The following SLC24A2 variants were observed in gnomAD, a reference collection of about 807,000 sequenced individuals.
SLC24A2 encodes sodium/potassium/calcium exchanger 2.
Under a neutral mutation model 62.0 loss-of-function variants are expected in SLC24A2, and 36 were observed. The ratio of observed to expected loss-of-function variants is 0.58; its 90% CI spans 0.44 to 0.77. The LOEUF (loss-of-function observed/expected upper bound fraction) is 0.77. Among genes scored for constraint, SLC24A2 ranks in the 30% least tolerant of loss-of-function variants. SLC24A2 has a pLI of 0.00. For synonymous variants in SLC24A2, 358 were observed against 294.0 expected (o/e 1.22, Z -2.23); for missense variants, 846 against 817.9 (o/e 1.03, Z -0.42).
the SLC24A2 span, among the ~76,000 whole-genome samples, chr9:20,260,544 T>G: frequency 6.6e-6 from 1 of 152,234 alleles, no homozygotes; most frequent in Non-Finnish European, 1.5e-5. Flanking sequence ...GAAATCCATA[T>G]GACATAGCTC....
chr9:19,603,841 T>A (rs1352973948), intron 4 of SLC24A2, among the ~76,000 whole-genome samples: 1 of 152,242 alleles, frequency 6.6e-6, no homozygotes, highest in East Asian at 1.9e-4. Context: ...CTACGTCTCC[T>A]AATTTACTGA....
chr9:19,545,802 C>T (rs1834536108), intron 8 of SLC24A2, among the ~76,000 whole-genome samples: 1 of 152,028 alleles, frequency 6.6e-6, no homozygotes, highest in South Asian at 2.1e-4. Context: ...CCACGCCTGC[C>T]TAATTTTTTG....
intron 2 of SLC24A2, among the ~76,000 whole-genome samples, chr9:19,655,706 T>C (rs1376251203): frequency 2.6e-5 from 4 of 152,218 alleles, no homozygotes; most frequent in African/African-American, 9.6e-5. Flanking sequence ...TTCAGTCATA[T>C]AAACTTCCTC....
intron 7 of SLC24A2, among the ~76,000 whole-genome samples, chr9:19,559,478 G>A (rs1179055048): frequency 1.3e-5 from 2 of 152,144 alleles, no homozygotes; most frequent in African/African-American, 2.4e-5. Flanking sequence ...CTTACTATCA[G>A]AAACAAAGCT....
intron 7 of SLC24A2, among the ~76,000 whole-genome samples, chr9:19,562,863 T>C (rs967914103): frequency 2.0e-5 from 3 of 152,204 alleles, no homozygotes; most frequent in African/African-American, 7.2e-5. Context: ...CCAGCACTTT[T>C]GGAGCTCTGG....
At chr9:19,762,043 T>C (rs1010019654) in intron 2 of SLC24A2, among the ~76,000 whole-genome samples, 7 of 152,190 alleles carry the variant, frequency 4.6e-5, no homozygotes, top group Non-Finnish European at 8.8e-5. Flanking sequence ...TCTAGATCCC[T>C]GAGGAATCGA....
chr9:20,211,282 G>C, the SLC24A2 span, among the ~76,000 whole-genome samples: 1 of 152,152 alleles, frequency 6.6e-6, no homozygotes, highest in South Asian at 2.1e-4. Context: ...AGAGGCCAAG[G>C]CAGGTGAATC....
the SLC24A2 span, among the ~76,000 whole-genome samples, chr9:20,197,295 T>C: frequency 5.3e-5 from 8 of 152,168 alleles, no homozygotes; most frequent in African/African-American, 1.9e-4. Context: ...ATTCTCACAA[T>C]AGGAAAAGAG....
chr9:20,264,946 A>ACT, the SLC24A2 span, among the ~76,000 whole-genome samples: 74 of 152,164 alleles, frequency 4.9e-4, 1 homozygote, highest in African/African-American at 1.8e-3. Context: ...ATCCTAAGCC[A>ACT]CTCCGGCAAT....
chr9:20,110,024 AT>A, the SLC24A2 span, among the ~76,000 whole-genome samples: 13 of 152,162 alleles, frequency 8.5e-5, no homozygotes, highest in Admixed American at 3.3e-4. Flanking sequence ...TACAGGGTTA[AT>A]TTTTTATCAT....
At chr9:20,078,820 C>A in the SLC24A2 span, among the ~76,000 whole-genome samples, 1 of 151,638 alleles carries the variant, frequency 6.6e-6, no homozygotes, top group East Asian at 1.9e-4. Flanking sequence ...TGGCAGCCCT[C>A]AATCAATACT....
chr9:19,904,019 G>T, the SLC24A2 span, among the ~76,000 whole-genome samples: 14 of 152,202 alleles, frequency 9.2e-5, no homozygotes, highest in African/African-American at 2.9e-4. Context: ...CACCTCAGCA[G>T]GTCTAATGGG....
the SLC24A2 span, among the ~76,000 whole-genome samples, chr9:20,186,862 T>C: frequency 6.6e-6 from 1 of 152,214 alleles, no homozygotes; most frequent in African/African-American, 2.4e-5. Flanking sequence ...TAATTTTCCT[T>C]TAGCAATTAC....
At chr9:19,650,822 AGTGTGTGTGTGT>A (rs61576823) in intron 2 of SLC24A2, among the ~76,000 whole-genome samples, 6 of 149,194 alleles carry the variant, frequency 4.0e-5, no homozygotes, top group Admixed American at 6.7e-5. Flanking sequence ...ATCAGCTTCT[AGTGTGTGTGTGT>A]GTGTGTGTGT....
chr9:20,074,555 CAGGA>C, the SLC24A2 span, among the ~76,000 whole-genome samples: 22,845 of 87,078 alleles, frequency 0.26, 3,862 homozygotes, highest in Non-Finnish European at 0.36. Flanking sequence ...GAGAAGAAGG[CAGGA>C]AGGAAGGAAG....
the SLC24A2 span, among the ~76,000 whole-genome samples, chr9:20,216,326 TC>T: frequency 6.6e-6 from 1 of 152,194 alleles, no homozygotes; most frequent in Non-Finnish European, 1.5e-5. Context: ...TGTCTCCTCT[TC>T]CAAATGACAG....
Position 19,520,889 on chromosome 9 carries a change from C to G in SLC24A2, c.1736+5G>C. 1 of 1,613,706 alleles carries G rather than the reference C, an allele frequency of 6.2e-7. No individual in the cohort carries two copies. Among genetic ancestry groups the G allele is most frequent in the Non-Finnish European group, 8.5e-7 (1 of 1,179,742 alleles). The stretch of plus-strand genomic sequence containing the variant: ...GCACACCTTTGTAGAACTACCTCTA[C>G]TCACCCTACAGTGATGTCAAAAATG... On this transcript the variant is annotated splice_donor_5th_base_variant and intron_variant, in intron 10 of 10. Coordinates refer to ENST00000341998, the MANE Select transcript of SLC24A2 (RefSeq NM_020344.4).
chr9:20,010,465 G>A, the SLC24A2 span, among the ~76,000 whole-genome samples: 12 of 151,994 alleles, frequency 7.9e-5, no homozygotes, highest in African/African-American at 2.9e-4. Context: ...AAGAAGTTCA[G>A]GGAACCATAA....
chr9:19,730,573 G>A (rs2118704896), intron 2 of SLC24A2, among the ~76,000 whole-genome samples: 1 of 152,126 alleles, frequency 6.6e-6, no homozygotes, highest in South Asian at 2.1e-4. Flanking sequence ...ATAGCAACAT[G>A]AAAACATATC....
Sources: gnomAD v4.1 joint callset for allele counts (sites outside exome capture counted in the v4.1 genomes callset) on GRCh38, gnomAD v4.1.1 for gene constraint, MANE v1.5 for transcripts, NCBI Gene and HGNC (gene_info 2026-07-23, HGNC 2026-07-21) for gene names.